SND1: variants seen among roughly 807,000 people sequenced by gnomAD.
The protein encoded by SND1 is staphylococcal nuclease domain-containing protein 1.
In SND1, 38 loss-of-function variants were observed where a neutral mutation model predicts 121.7. That is an observed-to-expected ratio of 0.31 (90% CI 0.24 to 0.41). The LOEUF is 0.41. Ranked by LOEUF, SND1 falls within the 10% of genes least tolerant of loss-of-function variation. The probability of loss-of-function intolerance (pLI) is 1.00; values close to 1 mark genes in which losing one functional copy is unlikely to be tolerated. For synonymous variants in SND1, 401 were observed against 447.4 expected, an observed-to-expected ratio of 0.90 and a Z score of 1.31; for missense variants, 868 against 1,184.6, an observed-to-expected ratio of 0.73 and a Z score of 3.92.
At chr7:127,906,400 A>T (rs1800341263) in intron 14 of SND1, among the ~76,000 whole-genome samples, 1 of 152,160 alleles carries the variant, frequency 6.6e-6, no homozygotes, top group Non-Finnish European at 1.5e-5. Context: ...ATATATTGCT[A>T]ATATTTTTAT....
intron 15 of SND1, among the ~76,000 whole-genome samples, chr7:127,981,511 G>A (rs1474881873): frequency 6.6e-6 from 1 of 152,020 alleles, no homozygotes; most frequent in African/African-American, 2.4e-5. Flanking sequence ...GAAAGGCCTC[G>A]TTAATCAGTG....
intron 1 of SND1, among the ~76,000 whole-genome samples, chr7:127,655,501 G>A (rs1346092831): frequency 6.6e-6 from 1 of 152,224 alleles, no homozygotes; most frequent in African/African-American, 2.4e-5. Flanking sequence ...AATCAGCAAG[G>A]ATGATGGAAA....
intron 13 of SND1, among the ~76,000 whole-genome samples, chr7:127,899,371 C>T (rs1320512858): frequency 6.6e-6 from 1 of 152,000 alleles, no homozygotes; most frequent in African/African-American, 2.4e-5. Flanking sequence ...AACTATTTTA[C>T]GATTGTAGTG....
At chr7:127,929,727 C>A (rs1313361917) in intron 15 of SND1, among the ~76,000 whole-genome samples, 1 of 152,168 alleles carries the variant, frequency 6.6e-6, no homozygotes, top group Non-Finnish European at 1.5e-5. Context: ...AGACACTCTT[C>A]CCCTGTAGCT....
chr7:128,050,292 T>A (rs1793023912), intron 16 of SND1, among the ~76,000 whole-genome samples: 1 of 152,246 alleles, frequency 6.6e-6, no homozygotes, highest in South Asian at 2.1e-4. Context: ...TTATGTCATT[T>A]GCAGACAAAT....
chr7:128,046,688 TC>T (rs1190585594), intron 16 of SND1, among the ~76,000 whole-genome samples: 1 of 151,872 alleles, frequency 6.6e-6, no homozygotes, highest in Non-Finnish European at 1.5e-5. Context: ...AGAACTTCCA[TC>T]CTCAAGCAGT....
intron 12 of SND1, among the ~76,000 whole-genome samples, chr7:127,858,723 C>T (rs2116677895): frequency 6.6e-6 from 1 of 152,252 alleles, no homozygotes; most frequent in Middle Eastern, 3.4e-3. Flanking sequence ...TCCTTTCTGA[C>T]CAATATGAAA....
At chr7:128,064,468 G>A (rs1412841475) in intron 16 of SND1, among the ~76,000 whole-genome samples, 1 of 152,216 alleles carries the variant, frequency 6.6e-6, no homozygotes, top group Non-Finnish European at 1.5e-5. Flanking sequence ...GGTAGAATCA[G>A]TGTGTATTGG....
chr7:127,688,995 A>G (rs1795868674), intron 2 of SND1, among the ~76,000 whole-genome samples: 1 of 152,258 alleles, frequency 6.6e-6, no homozygotes, highest in Non-Finnish European at 1.5e-5. Flanking sequence ...AAAAACTCCC[A>G]TAATTCTACT....
chr7:127,969,636 G>A (rs771614604), intron 15 of SND1, among the ~76,000 whole-genome samples: 4 of 152,182 alleles, frequency 2.6e-5, no homozygotes, highest in Non-Finnish European at 2.9e-5. Flanking sequence ...GCTGAGGCAG[G>A]AGAATAGTGT....
rs1313658215 is a variant in SND1, at chr7:127,661,090, G to A, written c.78+8639G>A. Among the ~76,000 whole-genome samples the A allele has an allele frequency of 2.0e-5, 3 of 152,108 alleles. No homozygotes were observed. The East Asian group carries it at 5.8e-4, about 29-fold the overall frequency. Reference sequence around the variant, plus strand: ...GATAAGTGAAATGTATGTATGTGGGGGTGGGTGCACCAGAATTTTATGAGG... The same window carrying A: ...GATAAGTGAAATGTATGTATGTGGGAGTGGGTGCACCAGAATTTTATGAGG... On this transcript the variant is annotated intron_variant, in intron 1 of 23. Transcript: ENST00000354725.
At chr7:127,655,898 CT>C (rs1212275788) in intron 1 of SND1, among the ~76,000 whole-genome samples, 3 of 152,138 alleles carry the variant, frequency 2.0e-5, no homozygotes, top group Admixed American at 1.3e-4. Flanking sequence ...ATTCTTGAAT[CT>C]TCTGTGCTTA....
At chr7:128,040,460 A>AAG (rs1231722643) in intron 16 of SND1, among the ~76,000 whole-genome samples, 1 of 148,950 alleles carries the variant, frequency 6.7e-6, no homozygotes, top group African/African-American at 2.5e-5. Context: ...AAAAAAAAAA[A>AAG]AAAAAAGACA....
At chr7:127,961,076 A>C (rs1272496609) in intron 15 of SND1, among the ~76,000 whole-genome samples, 1 of 152,194 alleles carries the variant, frequency 6.6e-6, no homozygotes, top group Non-Finnish European at 1.5e-5. Flanking sequence ...GCATTAATTA[A>C]ATACAGCCCT....
intron 10 of SND1, among the ~76,000 whole-genome samples, chr7:127,768,404 T>A (rs1379083320): frequency 6.6e-6 from 1 of 152,190 alleles, no homozygotes; most frequent in African/African-American, 2.4e-5. Context: ...CCACCAAACT[T>A]GCTTTGTTAT....
At chr7:127,884,834 A>T (rs1162405536) in intron 12 of SND1, among the ~76,000 whole-genome samples, 1 of 152,174 alleles carries the variant, frequency 6.6e-6, no homozygotes, top group Non-Finnish European at 1.5e-5. Flanking sequence ...CCACTGCTAC[A>T]GGGTTCATTC....
At chr7:127,776,491 A>G (rs1343658742) in intron 10 of SND1, among the ~76,000 whole-genome samples, 1 of 152,242 alleles carries the variant, frequency 6.6e-6, no homozygotes, top group Non-Finnish European at 1.5e-5. Flanking sequence ...AATGAAATAT[A>G]TCTTTAAAAT....
chr7:127,665,388 C>T (rs1013584016), intron 1 of SND1, among the ~76,000 whole-genome samples: 6 of 152,036 alleles, frequency 3.9e-5, no homozygotes, highest in African/African-American at 1.4e-4. Context: ...GGGGTTTCAC[C>T]GTGTTAGCCA....
intron 10 of SND1, among the ~76,000 whole-genome samples, chr7:127,770,071 A>G (rs1456695964): frequency 6.6e-6 from 1 of 152,100 alleles, no homozygotes; most frequent in Non-Finnish European, 1.5e-5. Flanking sequence ...GCTTTGTGCC[A>G]CTCACCGTCA....
Sources: allele counts gnomAD v4.1 joint callset (sites outside exome capture counted in the v4.1 genomes callset), GRCh38; gene constraint gnomAD v4.1.1; transcripts MANE v1.5; gene names NCBI Gene and HGNC (gene_info 2026-07-23, HGNC 2026-07-21).